Variants in JMJD1C observed in about 807,000 individuals in gnomAD.
JMJD1C encodes the protein jumonji domain containing 1C.
In JMJD1C, 31 loss-of-function variants were observed where a neutral mutation model predicts 245.3. That is an observed-to-expected ratio of 0.13 (90% confidence interval 0.09 to 0.17). The LOEUF (loss-of-function observed/expected upper bound fraction) is 0.17. Ranked by LOEUF, JMJD1C falls within the 10% of genes least tolerant of loss-of-function variation. The pLI is 1.00. For missense variants in JMJD1C, 2,691 were observed against 3,000.2 expected (o/e 0.90, Z 2.41); for synonymous variants, 1,057 against 1,017.4 (o/e 1.04, Z -0.74).
At chr10:63,443,669 G>C (rs1951525732) in intron 1 of JMJD1C, among the ~76,000 whole-genome samples, 1 of 152,162 alleles carries the variant, frequency 6.6e-6, no homozygotes, top group South Asian at 2.1e-4. Flanking sequence ...TAGAGGTTTG[G>C]TTACATATGC....
chr10:63,242,294 C>T (rs950229502), intron 3 of JMJD1C, among the ~76,000 whole-genome samples: 3 of 152,140 alleles, frequency 2.0e-5, no homozygotes, highest in African/African-American at 4.8e-5. Context: ...GTCCCACATA[C>T]GATTATCTGG....
At chr10:63,403,518 A>G (rs1450888466) in intron 1 of JMJD1C, among the ~76,000 whole-genome samples, 2 of 152,240 alleles carry the variant, frequency 1.3e-5, no homozygotes, top group African/African-American at 4.8e-5. Flanking sequence ...GTCAAAATTA[A>G]TAGTATTTCA....
intron 2 of JMJD1C, among the ~76,000 whole-genome samples, chr10:63,296,018 T>TTTA (rs1859391514): frequency 8.3e-6 from 1 of 120,672 alleles, no homozygotes. Context: ...TATATATTTT[T>TTTA]TTTTTTTTCT....
At chr10:63,292,878 T>C (rs1858943791) in intron 2 of JMJD1C, among the ~76,000 whole-genome samples, 1 of 151,966 alleles carries the variant, frequency 6.6e-6, no homozygotes, top group South Asian at 2.1e-4. Context: ...AACCCCTCTC[T>C]ACAAAAAATA....
At chr10:63,502,257 T>C (rs765807831) in intron 1 of JMJD1C, among the ~76,000 whole-genome samples, 7 of 152,174 alleles carry the variant, frequency 4.6e-5, no homozygotes, top group Non-Finnish European at 1.0e-4. Flanking sequence ...CAGCTGCACA[T>C]CAGTAACCCA....
At chr10:63,194,731 C>T (rs957961479) in intron 13 of JMJD1C, 1 of 203,370 alleles carries the variant, frequency 4.9e-6, no homozygotes, top group Admixed American at 5.2e-5. Context: ...AGAATTTATG[C>T]CTGATCCTAG....
chr10:63,398,270 A>G (rs960954854), intron 1 of JMJD1C, among the ~76,000 whole-genome samples: 1 of 152,142 alleles, frequency 6.6e-6, no homozygotes, highest in Non-Finnish European at 1.5e-5. Flanking sequence ...ACCCAACCAT[A>G]TATGACTCTT....
At chr10:63,425,267 T>TA (rs1950373550) in intron 1 of JMJD1C, among the ~76,000 whole-genome samples, 1 of 152,180 alleles carries the variant, frequency 6.6e-6, no homozygotes, top group Non-Finnish European at 1.5e-5. Flanking sequence ...TAAAAAATTT[T>TA]AAAACTGAAT....
chr10:63,247,185 A>G (rs1258907947), intron 3 of JMJD1C, among the ~76,000 whole-genome samples: 1 of 151,646 alleles, frequency 6.6e-6, no homozygotes, highest in Non-Finnish European at 1.5e-5. Flanking sequence ...GAAAAGATAG[A>G]TAAAATCAAT....
intron 2 of JMJD1C, among the ~76,000 whole-genome samples, chr10:63,288,147 A>C (rs1361546435): frequency 6.6e-6 from 1 of 152,214 alleles, no homozygotes; most frequent in African/African-American, 2.4e-5. Flanking sequence ...CCACAGACAC[A>C]GAGGGCCAAC....
chr10:63,315,101 G>A (rs183964953), intron 2 of JMJD1C, among the ~76,000 whole-genome samples: 30 of 152,126 alleles, frequency 2.0e-4, no homozygotes, highest in Middle Eastern at 3.4e-3. Flanking sequence ...TTACAGGTGC[G>A]TGCCACCACA....
chr10:63,309,612 T>C (rs926810047), intron 2 of JMJD1C, among the ~76,000 whole-genome samples: 2 of 150,940 alleles, frequency 1.3e-5, no homozygotes, highest in Non-Finnish European at 3.0e-5. Context: ...CATTGAAACA[T>C]TTTGATTCAA....
At position 63,510,884 on chromosome 10, in the gene JMJD1C, T is replaced by C. The variant is rs139635154; in HGVS notation, n.113+10854A>G. On this transcript the variant is annotated intron_variant and non_coding_transcript_variant, in intron 1 of 3. Coordinates refer to the JMJD1C transcript ENST00000633035. ...TTCTGATGCTTTGTTGTTAGGCATATAGATATTAAGAATTGTTGTATCTTC... is the reference window on the plus strand; with the variant it reads ...TTCTGATGCTTTGTTGTTAGGCATACAGATATTAAGAATTGTTGTATCTTC... Among the ~76,000 whole-genome samples, 288 of 152,358 alleles carry C rather than the reference T, an allele frequency of 1.9e-3. 2 individuals are homozygous for C. Among genetic ancestry groups the C allele is most frequent in the Non-Finnish European group, 3.4e-3 (230 of 68,042 alleles).
intron 1 of JMJD1C, among the ~76,000 whole-genome samples, chr10:63,509,340 A>AT (rs1187941941): frequency 6.6e-6 from 1 of 152,118 alleles, no homozygotes; most frequent in Non-Finnish European, 1.5e-5. Flanking sequence ...TTTGTGGAGG[A>AT]TTTTTGCATT....
At chr10:63,217,446 T>G in intron 4 of JMJD1C, 115 bp from the exon 5 acceptor site, 5 of 795,824 alleles carry the variant, frequency 6.3e-6, no homozygotes, top group Non-Finnish European at 7.4e-6. Flanking sequence ...AACTATCAGT[T>G]TTCAAAAAAA....
chr10:63,174,262 A>G (rs1055136533), intron 24 of JMJD1C, among the ~76,000 whole-genome samples: 10 of 152,252 alleles, frequency 6.6e-5, no homozygotes, highest in African/African-American at 2.4e-4. Flanking sequence ...TTTATCTATT[A>G]TTGCCCCAAA....
chr10:63,347,931 C>T (rs1009144142), intron 2 of JMJD1C, among the ~76,000 whole-genome samples: 5 of 151,896 alleles, frequency 3.3e-5, no homozygotes, highest in African/African-American at 7.2e-5. Flanking sequence ...GAGAAATTAC[C>T]GCTGGGTGCA....
At chr10:63,319,956 G>C (rs541544918) in intron 2 of JMJD1C, among the ~76,000 whole-genome samples, 1 of 152,152 alleles carries the variant, frequency 6.6e-6, no homozygotes, top group Non-Finnish European at 1.5e-5. Context: ...AGTAGAGACA[G>C]GGTTTCACCA....
At chr10:63,277,381 T>C (rs1404539776) in intron 2 of JMJD1C, among the ~76,000 whole-genome samples, 28 of 152,042 alleles carry the variant, frequency 1.8e-4, no homozygotes. Context: ...TGAATAAAGA[T>C]AGTCTTGTTA....
Sources: gnomAD v4.1 joint callset for allele counts (sites outside exome capture counted in the v4.1 genomes callset) on GRCh38, gnomAD v4.1.1 for gene constraint, MANE v1.5 for transcripts, NCBI Gene and HGNC (gene_info 2026-07-23, HGNC 2026-07-21) for gene names.